SREBF2: variants seen among roughly 807,000 people sequenced by gnomAD.
The protein encoded by SREBF2 is sterol regulatory element binding transcription factor 2.
Under a neutral mutation model 113.1 loss-of-function variants are expected in SREBF2, and 55 were observed. The observed-to-expected ratio is 0.49, with a 90% CI of 0.39 to 0.61. SREBF2 has a LOEUF of 0.61. SREBF2 is among the 20% of genes least tolerant of loss of function. The pLI is 0.00. For synonymous variants in SREBF2, 593 were observed against 605.7 expected, an observed-to-expected ratio of 0.98 and a Z score of 0.31; for missense variants, 1,349 against 1,487.4, an observed-to-expected ratio of 0.91 and a Z score of 1.53.
intron 16 of SREBF2, among the ~76,000 whole-genome samples, chr22:41,902,509 T>TCCCACTCCTCCTCCTCCTTCC (rs1404560502): frequency 6.6e-6 from 1 of 151,978 alleles, no homozygotes; most frequent in Admixed American, 6.6e-5. Context: ...TGTCTCCCTC[T>TCCCACTCCTCCTCCTCCTTCC]CCCACTCCTC....
intron 10 of SREBF2, among the ~76,000 whole-genome samples, chr22:41,881,251 A>G (rs181480698): frequency 6.6e-6 from 1 of 152,370 alleles, no homozygotes; most frequent in East Asian, 1.9e-4. Context: ...GGCACATTGT[A>G]GATAAGTTGG....
intron 11 of SREBF2, among the ~76,000 whole-genome samples, chr22:41,886,986 A>T (rs994332717): frequency 6.6e-6 from 1 of 152,216 alleles, no homozygotes; most frequent in African/African-American, 2.4e-5. Flanking sequence ...TTGAGCGGAG[A>T]TCACGCCATT....
intron 15 of SREBF2, 72 bp downstream of exon 15, chr22:41,898,853 T>C: frequency 9.4e-6 from 15 of 1,589,428 alleles, no homozygotes; most frequent in Admixed American, 1.7e-5. Flanking sequence ...AGGAGCAAAC[T>C]GGACTGGGTG....
At chr22:41,858,074 A>G (rs2076993888) in intron 1 of SREBF2, among the ~76,000 whole-genome samples, 1 of 152,212 alleles carries the variant, frequency 6.6e-6, no homozygotes, top group African/African-American at 2.4e-5. Flanking sequence ...TTAGAAAAAA[A>G]CATTGTGGGT....
At chr22:41,852,532 C>G (rs961415687) in intron 1 of SREBF2, among the ~76,000 whole-genome samples, 1 of 151,936 alleles carries the variant, frequency 6.6e-6, no homozygotes, top group African/African-American at 2.4e-5. Flanking sequence ...TTTTTCCTCT[C>G]CTGACTTTCA....
rs781611549 is a variant in SREBF2 at position 41,902,973 on chromosome 22, G to A, written c.2911G>A (p.Val971Ile). 3 of 1,609,820 alleles carry A rather than the reference G, an allele frequency of 1.9e-6. No individual in the cohort carries two copies. Among genetic ancestry groups the A allele is most frequent in the Non-Finnish European group, 2.5e-6 (3 of 1,178,334 alleles). ...TCTCTCGTGGCTGACCCCACAGGTG[G>A]TCCAGCTGCTCACCTGTGACCTGCT... The part of the protein sequence containing the change: ...ATSDPALNHV[V>I]QLLTCDLLLS... The change falls in exon 17 of 19, where the codon GTC (valine) becomes ATC (isoleucine). Residue 971 changes from valine to isoleucine, a missense_variant. By Grantham distance (29) the Val-to-Ile change is conservative. This residue lies in a region of SREBF2 where 650 missense variants were observed against 644.1 expected (regional missense o/e 1.01). Transcript: ENST00000361204.
In SREBF2 at chr22:41,833,488, G is replaced by A. The variant is rs902822165; in HGVS notation, c.88+130G>A. ...GCGGGAAGAACCCCGTGCGCACGGT[G>A]CCCCCGGCGGTCCTCAACCCTTCCG... On this transcript the variant is annotated intron_variant, in intron 1 of 18. Coordinates refer to ENST00000361204, the MANE Select transcript of SREBF2 (RefSeq NM_004599.4). This position sits in a 1 kb window ranked among gnomAD's most constrained non-coding sequence, Gnocchi z 4.1. 3 of 720,420 alleles carry A rather than the reference G, an allele frequency of 4.2e-6. No homozygotes were observed. The highest frequency in any genetic ancestry group is 3.1e-5 in the Admixed American group (1 of 32,020). 44.6% of individuals were successfully genotyped at this position (720,420 alleles called of 1,614,324 possible).
Position 41,895,981 on chromosome 22 carries a change from A to G in SREBF2, c.2495+1044A>G, listed in dbSNP as rs2077412659. Among the ~76,000 whole-genome samples, 3 of 151,992 alleles carry G rather than the reference A, an allele frequency of 2.0e-5. No individual in the cohort carries two copies. The South Asian group carries it at 6.2e-4, about 32-fold the overall frequency. ...ACACGGTGAAACCCCGTCTACTAAA[A>G]ATACAAAAAATTAGCCAGGCGTGGT... is the stretch of plus-strand genomic sequence containing the variant. On this transcript the variant is annotated intron_variant, in intron 13 of 18. Transcript: ENST00000361204.
chr22:41,868,752 C>A lies in SREBF2; in HGVS notation c.680C>A (p.Thr227Lys), dbSNP rs377730162. 2 of 1,613,882 alleles carry A rather than the reference C, an allele frequency of 1.2e-6. No individual in the cohort carries two copies. The highest frequency in any genetic ancestry group is 1.7e-6 in the Non-Finnish European group (2 of 1,179,892). The stretch of plus-strand genomic sequence containing the variant: ...ACGCTGCAGACCCTTGCCCCGGCTA[C>A]GGTGCAGACAGTTGCTGCGCCACAG... ...NGTLQTLAPA[T>K]VQTVAAPQVQ... is the part of the protein sequence containing the mutation. The change falls in exon 3 of 19, where the codon ACG becomes AAG. Residue 227 changes from threonine (T) to lysine (K), a missense_variant. Physicochemically the swap from Thr to Lys is moderately conservative, Grantham distance 78. Coordinates refer to ENST00000361204, the MANE Select transcript of SREBF2 (RefSeq NM_004599.4).
At chr22:41,885,134 C>T in intron 11 of SREBF2, 123 bp downstream of exon 11, 1 of 1,192,746 alleles carries the variant, frequency 8.4e-7, no homozygotes, top group Non-Finnish European at 1.2e-6. Flanking sequence ...GAGGGGTAGG[C>T]AGGCATTCAT....
chr22:41,855,672 A>G (rs989626715), intron 1 of SREBF2, among the ~76,000 whole-genome samples: 16 of 152,198 alleles, frequency 1.1e-4, no homozygotes, highest in African/African-American at 3.9e-4. Flanking sequence ...AATCGGTAGT[A>G]AATAGAAAGT....
chr22:41,880,065 G>T (rs2077230951), intron 9 of SREBF2, among the ~76,000 whole-genome samples: 1 of 152,176 alleles, frequency 6.6e-6, no homozygotes. Context: ...AGCAGACATG[G>T]CATGAGAATC....
intron 17 of SREBF2, 78 bp downstream of exon 17, chr22:41,903,233 G>C (rs2077480141): frequency 6.6e-7 from 1 of 1,512,456 alleles, no homozygotes; most frequent in Admixed American, 2.0e-5. Flanking sequence ...ATGGGCACCA[G>C]CATGTGGTTG....
At position 41,833,178 on chromosome 22, in the gene SREBF2, G is replaced by C; in HGVS notation, c.-93G>C. On this transcript the variant is annotated 5_prime_UTR_variant, in exon 1 of 19. Coordinates refer to ENST00000361204, the MANE Select transcript of SREBF2 (RefSeq NM_004599.4). The surrounding 1 kb of genome is among the most constrained non-coding windows in gnomAD (Gnocchi z 4.1). ...CCCGTCGGTGAGGCGGTGCCGGGCG[G>C]GGGTTGTCGGGTGTCATGGGCGGTG... 1.0e-6 allele frequency: 1 copy of C among 979,934 alleles called. No homozygotes were observed. The highest frequency in any genetic ancestry group is 1.4e-6 in the Non-Finnish European group (1 of 699,878). 60.7% of individuals were successfully genotyped at this position (979,934 alleles called of 1,614,324 possible).
At position 41,906,842 on chromosome 22, in the gene SREBF2, G is replaced by T. The variant is rs935011718; in HGVS notation, c.*1182G>T. On this transcript the variant is annotated 3_prime_UTR_variant, in exon 19 of 19. Transcript: ENST00000361204. ...GTGGGCACTAGGAATGAGGTCCCCT[G>T]CCTCGATGCGGGTCCTAGGAGAAAA... 1 of 152,178 alleles carries T rather than the reference G, an allele frequency of 6.6e-6. No individual in the cohort carries two copies. The highest frequency in any genetic ancestry group is 2.4e-5 in the African/African-American group (1 of 41,436). 9.4% of individuals were successfully genotyped at this position (152,178 alleles called of 1,614,324 possible). A position where few individuals can be genotyped will look rare whatever the true frequency, so the allele number is the denominator to read the frequency against.
chr22:41,868,526 A>G, intron 2 of SREBF2, 85 bp from the exon 3 acceptor site: 7 of 1,459,220 alleles, frequency 4.8e-6, no homozygotes, highest in Non-Finnish European at 6.7e-6. Context: ...TCATTATGAG[A>G]TACTCCATCC....
chr22:41,848,805 C>T (rs1054409605), intron 1 of SREBF2, among the ~76,000 whole-genome samples: 7 of 152,072 alleles, frequency 4.6e-5, no homozygotes, highest in African/African-American at 1.4e-4. Context: ...GTGTAAAAAC[C>T]ACCACCAAGA....
At chr22:41,869,749 T>C (rs1428382042) in intron 3 of SREBF2, among the ~76,000 whole-genome samples, 1 of 152,108 alleles carries the variant, frequency 6.6e-6, no homozygotes, top group African/African-American at 2.4e-5. Flanking sequence ...CCTCCCAAAG[T>C]GCTGAGACTA....
At chr22:41,884,230 G>C (rs542118037) in intron 10 of SREBF2, among the ~76,000 whole-genome samples, 2 of 152,172 alleles carry the variant, frequency 1.3e-5, no homozygotes, top group East Asian at 3.9e-4. Context: ...CCGCATCGCA[G>C]GCTCAAGCAA....
Sources: gnomAD v4.1 joint callset for allele counts (sites outside exome capture counted in the v4.1 genomes callset) on GRCh38, gnomAD v4.1.1 for gene constraint, gnomAD v4.1.1 regional missense constraint, Gnocchi (gnomAD v3.1) non-coding constraint, MANE v1.5 for transcripts, NCBI Gene and HGNC (gene_info 2026-07-23, HGNC 2026-07-21) for gene names.